JAKMIP2: variants seen among roughly 807,000 people sequenced by gnomAD.
JAKMIP2 encodes the protein janus kinase and microtubule-interacting protein 2.
In JAKMIP2, 25 loss-of-function variants were observed where a neutral mutation model predicts 115.0. That is an observed-to-expected ratio of 0.22 (90% confidence interval 0.16 to 0.30). The LOEUF is 0.30. JAKMIP2 is among the 10% of genes least tolerant of loss of function. The pLI is 1.00. For synonymous variants in JAKMIP2, 334 were observed against 343.6 expected, an observed-to-expected ratio of 0.97 and a Z score of 0.31; for missense variants, 642 against 957.6, an observed-to-expected ratio of 0.67 and a Z score of 4.35.
At chr5:147,662,236 T>C (rs1759036520) in intron 2 of JAKMIP2, among the ~76,000 whole-genome samples, 1 of 151,760 alleles carries the variant, frequency 6.6e-6, no homozygotes, top group South Asian at 2.1e-4. Context: ...GGGTCCTCTC[T>C]CTGATGAAGG....
chr5:147,595,974 A>C (rs1755367084), intron 21 of JAKMIP2, among the ~76,000 whole-genome samples: 1 of 152,182 alleles, frequency 6.6e-6, no homozygotes, highest in Non-Finnish European at 1.5e-5. Flanking sequence ...CCTTGTGGGA[A>C]TCACAACTGA....
chr5:147,674,288 C>A (rs941670300), intron 1 of JAKMIP2, among the ~76,000 whole-genome samples: 3 of 152,190 alleles, frequency 2.0e-5, no homozygotes, highest in Admixed American at 6.5e-5. Flanking sequence ...TATATAAAAT[C>A]TGATCCGCTT....
chr5:147,650,347 G>A lies in JAKMIP2; in HGVS notation c.828C>T (p.Cys276=), dbSNP rs1317486702. 1.2e-6 allele frequency: 2 copies of A among 1,604,870 alleles called. No individual in the cohort carries two copies. The highest frequency in any genetic ancestry group is 1.1e-5 in the South Asian group (1 of 90,926). The change falls in exon 4 of 22, where the codon TGC becomes TGT. Residue 276 remains cysteine (C), a synonymous_variant. Transcript: ENST00000616793. ...ACTAGAATGGACTTACAGGACTGCT[G>A]CAGTGTTCGGAACCATCACCTGCCC... ...PGRAGDGSEH[C]SSPDLRRNQK...
intron 16 of JAKMIP2, among the ~76,000 whole-genome samples, chr5:147,628,333 A>G (rs1757201270): frequency 6.6e-6 from 1 of 152,070 alleles, no homozygotes; most frequent in Non-Finnish European, 1.5e-5. Flanking sequence ...GAAGGCAATG[A>G]GCCCCTACTA....
intron 1 of JAKMIP2, among the ~76,000 whole-genome samples, chr5:147,719,022 T>C (rs1328962305): frequency 6.8e-4 from 95 of 140,460 alleles, no homozygotes; most frequent in Middle Eastern, 3.4e-3. Context: ...GCTTTGAATG[T>C]GTCCCAGAGA....
At chr5:147,750,198 T>C (rs1580875037) in intron 1 of JAKMIP2, among the ~76,000 whole-genome samples, 1 of 152,068 alleles carries the variant, frequency 6.6e-6, no homozygotes, top group Admixed American at 6.5e-5. Context: ...TAAGTGAAGA[T>C]GAGGGAAGAG....
At chr5:147,771,788 C>G (rs1755366175) in intron 1 of JAKMIP2, among the ~76,000 whole-genome samples, 1 of 151,986 alleles carries the variant, frequency 6.6e-6, no homozygotes, top group Non-Finnish European at 1.5e-5. Flanking sequence ...CTTTTAAAAA[C>G]AAAAGTTCCT....
chr5:147,640,603 G>T, intron 9 of JAKMIP2, 101 bp downstream of exon 9: 1 of 1,259,758 alleles, frequency 7.9e-7, no homozygotes, highest in Non-Finnish European at 1.1e-6. Context: ...ACTTTGTGCT[G>T]TTTATATAAA....
chr5:147,661,667 A>C (rs917470361), intron 2 of JAKMIP2: 2 of 516,682 alleles, frequency 3.9e-6, no homozygotes, highest in South Asian at 2.7e-5. Flanking sequence ...GTTCAGATGA[A>C]TATTTGATGT....
At chr5:147,610,892 G>A (rs1756282724) in intron 20 of JAKMIP2, among the ~76,000 whole-genome samples, 1 of 152,226 alleles carries the variant, frequency 6.6e-6, no homozygotes, top group South Asian at 2.1e-4. Flanking sequence ...CAGAGAGGAG[G>A]AATCTAGACA....
In JAKMIP2 at chr5:147,637,437, A is replaced by ATTTTTTTTT. The variant is rs34831610; in HGVS notation, c.1531-398_1531-390dup. ...CATTTTGCCTCCCCAAATTCTTTTG[A>ATTTTTTTTT]TTTTTTTTTTTTTTTTTTTTGAGAC... is the stretch of plus-strand genomic sequence containing the variant. On this transcript the variant is annotated intron_variant, in intron 10 of 21. Coordinates refer to ENST00000616793, the MANE Select transcript of JAKMIP2 (RefSeq NM_001270941.2). Among the ~76,000 whole-genome samples, 451 of 79,246 alleles carry ATTTTTTTTT rather than the reference A, an allele frequency of 5.7e-3. 53 individuals carry two copies. The East Asian group carries it at 0.12, about 21-fold the overall frequency. 52.0% of individuals were successfully genotyped at this position (79,246 alleles called of 152,430 possible).
intron 13 of JAKMIP2, among the ~76,000 whole-genome samples, chr5:147,632,203 T>C (rs893421392): frequency 1.2e-4 from 18 of 152,288 alleles, no homozygotes; most frequent in Middle Eastern, 3.4e-3. Flanking sequence ...TTTTTTTTCA[T>C]AAATGCATTA....
At chr5:147,770,840 T>G (rs1221734622) in intron 1 of JAKMIP2, among the ~76,000 whole-genome samples, 1 of 152,138 alleles carries the variant, frequency 6.6e-6, no homozygotes, top group Non-Finnish European at 1.5e-5. Context: ...CCTATTTACA[T>G]TTTTGTTTTA....
At chr5:147,717,853 A>C (rs372137089) in intron 1 of JAKMIP2, among the ~76,000 whole-genome samples, 1 of 75,878 alleles carries the variant, frequency 1.3e-5, no homozygotes, top group Middle Eastern at 5.0e-3. Context: ...TCTCCTGCCT[A>C]ATTGCCCTGG....
At chr5:147,763,496 G>A (rs1183131773) in intron 1 of JAKMIP2, among the ~76,000 whole-genome samples, 1 of 152,026 alleles carries the variant, frequency 6.6e-6, no homozygotes, top group Non-Finnish European at 1.5e-5. Flanking sequence ...TTGGGGTCAG[G>A]TTACTACAGG....
intron 19 of JAKMIP2, among the ~76,000 whole-genome samples, chr5:147,615,628 G>T (rs1756531178): frequency 6.6e-6 from 1 of 152,148 alleles, no homozygotes; most frequent in Non-Finnish European, 1.5e-5. Context: ...GGATTGAAAA[G>T]GGGAGAGCTA....
chr5:147,677,798 G>C (rs1472300292), intron 1 of JAKMIP2, among the ~76,000 whole-genome samples: 1 of 152,132 alleles, frequency 6.6e-6, no homozygotes, highest in African/African-American at 2.4e-5. Context: ...ATTATCATAT[G>C]CATTAACTCA....
intron 7 of JAKMIP2, among the ~76,000 whole-genome samples, chr5:147,642,429 T>C (rs1454744637): frequency 1.3e-5 from 2 of 152,186 alleles, no homozygotes; most frequent in Non-Finnish European, 2.9e-5. Flanking sequence ...AAGCACTCCA[T>C]GTATTTACTG....
chr5:147,711,920 G>A lies in JAKMIP2; in HGVS notation c.-148-39966C>T, dbSNP rs193152893. 6.2e-3 allele frequency among the ~76,000 whole-genome samples: 947 copies of A among 152,224 alleles called. 3 individuals are homozygous for A. The highest frequency in any genetic ancestry group is 0.01 in the Middle Eastern group (3 of 294). On this transcript the variant is annotated intron_variant, in intron 1 of 21. Transcript: ENST00000616793. ...TGACCTCAGGTGATCCACCCGCCTCGGACACCGCGCCCAGCCCATAGTAAA... is the reference window on the plus strand; with the variant it reads ...TGACCTCAGGTGATCCACCCGCCTCAGACACCGCGCCCAGCCCATAGTAAA...
Sources: allele counts gnomAD v4.1 joint callset (sites outside exome capture counted in the v4.1 genomes callset), GRCh38; gene constraint gnomAD v4.1.1; transcripts MANE v1.5; gene names NCBI Gene and HGNC (gene_info 2026-07-23, HGNC 2026-07-21).